The following NLK variants were observed in gnomAD, a reference collection of about 807,000 sequenced individuals.
NLK encodes serine/threonine-protein kinase NLK.
A neutral mutation model predicts 59.0 loss-of-function variants in NLK; 11 were observed. The observed-to-expected ratio is 0.19, with a 90% CI of 0.12 to 0.31. The LOEUF (loss-of-function observed/expected upper bound fraction) is 0.31. Ranked by LOEUF, NLK falls within the 10% of genes least tolerant of loss-of-function variation. NLK has a pLI of 1.00. For missense variants in NLK, 410 were observed against 661.1 expected (o/e 0.62, Z 4.16); for synonymous variants, 235 against 235.9 (o/e 1.00, Z 0.03).
chr17:28,124,010 G>A (rs1906187319), intron 2 of NLK, among the ~76,000 whole-genome samples: 2 of 152,092 alleles, frequency 1.3e-5, no homozygotes, highest in South Asian at 4.1e-4. Context: ...CCAAAGGTTT[G>A]GTCTCACTTT....
chr17:28,064,349 G>C lies in NLK; in HGVS notation c.458+21018G>C, dbSNP rs34082835. ...TTTTGTGTAGAGACGAGATCTCTCT[G>C]TATTGCCCAGGCTGCTCTCAGACTT... On this transcript the variant is annotated intron_variant, in intron 1 of 10. Transcript: ENST00000407008. Among the ~76,000 whole-genome samples the C allele has an allele frequency of 5.2e-3, 785 of 151,946 alleles. 6 individuals carry two copies. Among genetic ancestry groups the C allele is most frequent in the African/African-American group, 0.018 (735 of 41,444 alleles).
At chr17:28,128,597 G>A (rs1906384573) in intron 2 of NLK, among the ~76,000 whole-genome samples, 3 of 152,092 alleles carry the variant, frequency 2.0e-5, no homozygotes, top group Admixed American at 6.6e-5. Flanking sequence ...AAATTAAAAC[G>A]ACATTGAGTT....
At chr17:28,183,841 T>C (rs1909010651) in intron 7 of NLK, among the ~76,000 whole-genome samples, 1 of 152,232 alleles carries the variant, frequency 6.6e-6, no homozygotes, top group Non-Finnish European at 1.5e-5. Context: ...CTTTCAAAGC[T>C]TGAGGAAAAA....
chr17:28,061,774 A>G (rs1279849101), intron 1 of NLK, among the ~76,000 whole-genome samples: 4 of 146,892 alleles, frequency 2.7e-5, no homozygotes, highest in Admixed American at 2.1e-4. Context: ...ATACATATAT[A>G]CATATACATA....
chr17:28,177,934 G>A (rs986735390), intron 7 of NLK, among the ~76,000 whole-genome samples: 1 of 152,090 alleles, frequency 6.6e-6, no homozygotes, highest in African/African-American at 2.4e-5. Context: ...AGCTTGTCCA[G>A]AAATCACATC....
At chr17:28,124,649 C>G (rs1332470823) in intron 2 of NLK, among the ~76,000 whole-genome samples, 1 of 152,094 alleles carries the variant, frequency 6.6e-6, no homozygotes, top group Non-Finnish European at 1.5e-5. Context: ...TTGACCTTGC[C>G]TTAGTGTGTC....
At chr17:28,145,724 T>A (rs1237264812) in intron 3 of NLK, among the ~76,000 whole-genome samples, 1 of 151,762 alleles carries the variant, frequency 6.6e-6, no homozygotes, top group African/African-American at 2.4e-5. Context: ...TTTTTTTTTT[T>A]AAAGACAGTC....
intron 1 of NLK, among the ~76,000 whole-genome samples, chr17:28,092,787 ATTTTATTTTATTTTATTTTATT>A (rs1904549086): frequency 6.8e-6 from 1 of 147,996 alleles, no homozygotes; most frequent in African/African-American, 2.5e-5. Context: ...ATTTTATTTT[ATTTTATTTTATTTTATTTTATT>A]TATTTATTGA....
Position 28,194,698 on chromosome 17 carries a change from C to A in NLK, c.*62C>A. The stretch of plus-strand genomic sequence containing the variant: ...GCTTTCCACTGGAGTCTGGGATTTG[C>A]AATTCTGGAGGTTAATCATGCTTGT... On this transcript the variant is annotated 3_prime_UTR_variant, in exon 11 of 11. Transcript: ENST00000407008. 2 of 1,240,082 alleles carry A rather than the reference C, an allele frequency of 1.6e-6. No individual in the cohort carries two copies. The highest frequency in any genetic ancestry group is 3.0e-5 in the South Asian group (2 of 67,010). 76.8% of individuals were successfully genotyped at this position (1,240,082 alleles called of 1,614,324 possible). A position where few individuals can be genotyped will look rare whatever the true frequency, so the allele number is the denominator to read the frequency against.
the NLK span, among the ~76,000 whole-genome samples, chr17:28,204,368 G>T: frequency 1.3e-5 from 2 of 152,178 alleles, no homozygotes; most frequent in African/African-American, 2.4e-5. Flanking sequence ...TAACCTGCAT[G>T]GTGTATGATG....
chr17:28,172,448 T>A, intron 6 of NLK, 69 bp from the exon 7 acceptor site: 1 of 1,074,978 alleles, frequency 9.3e-7, no homozygotes, highest in South Asian at 2.1e-5. Flanking sequence ...TCTCTAAGGC[T>A]ATGATTTAAG....
intron 2 of NLK, among the ~76,000 whole-genome samples, chr17:28,131,735 G>T (rs1172271781): frequency 6.6e-6 from 1 of 152,042 alleles, no homozygotes; most frequent in Non-Finnish European, 1.5e-5. Flanking sequence ...GCTGGGAGGG[G>T]ATTTGTTTGT....
At chr17:28,160,717 TA>T (rs1268862715) in intron 3 of NLK, among the ~76,000 whole-genome samples, 4 of 152,262 alleles carry the variant, frequency 2.6e-5, no homozygotes, top group Admixed American at 2.6e-4. Flanking sequence ...TTTTATAATG[TA>T]ACAAGCCACA....
chr17:28,071,434 CTTT>C lies in NLK; in HGVS notation c.458+28119_458+28121del, dbSNP rs538917495. On this transcript the variant is annotated intron_variant, in intron 1 of 10. Coordinates refer to ENST00000407008, the MANE Select transcript of NLK (RefSeq NM_016231.5). ...TCCATGAACATGGTATAGCTCTCCA[CTTT>C]TTTTTTTTTTTTTTTAACAGCCTTT... Among the ~76,000 whole-genome samples the C allele has an allele frequency of 3.2e-3, 421 of 132,868 alleles. 6 individuals are homozygous for C. The highest frequency in any genetic ancestry group is 0.011 in the African/African-American group (392 of 36,590). 87.2% of individuals were successfully genotyped at this position (132,868 alleles called of 152,430 possible).
intron 1 of NLK, among the ~76,000 whole-genome samples, chr17:28,067,595 A>G (rs1331394090): frequency 6.6e-6 from 1 of 151,932 alleles, no homozygotes; most frequent in African/African-American, 2.4e-5. Flanking sequence ...AGAAAAAACT[A>G]AAAAAATTCA....
At chr17:28,149,979 G>A (rs1325765886) in intron 3 of NLK, among the ~76,000 whole-genome samples, 6 of 152,072 alleles carry the variant, frequency 3.9e-5, no homozygotes, top group African/African-American at 9.7e-5. Context: ...TGCAGCATTC[G>A]AGTAATGGCA....
chr17:28,141,733 T>C (rs940114734), intron 3 of NLK, among the ~76,000 whole-genome samples: 2 of 152,208 alleles, frequency 1.3e-5, no homozygotes, highest in Non-Finnish European at 2.9e-5. Flanking sequence ...ATGACTGATA[T>C]GTTCATCCCT....
chr17:28,132,803 G>A, intron 3 of NLK, 128 bp downstream of exon 3: 1 of 767,164 alleles, frequency 1.3e-6, no homozygotes, highest in Non-Finnish European at 2.1e-6. Flanking sequence ...TGAGTACCTG[G>A]AACCAGGTAA....
intron 8 of NLK, among the ~76,000 whole-genome samples, chr17:28,187,691 T>C (rs1168543250): frequency 6.6e-6 from 1 of 152,206 alleles, no homozygotes; most frequent in Non-Finnish European, 1.5e-5. Flanking sequence ...ATAGAGCAAG[T>C]AGTAAGCCCA....
Sources: allele counts gnomAD v4.1 joint callset (sites outside exome capture counted in the v4.1 genomes callset), GRCh38; gene constraint gnomAD v4.1.1; transcripts MANE v1.5; gene names NCBI Gene and HGNC (gene_info 2026-07-23, HGNC 2026-07-21).